The following MRPS22 variants were observed in gnomAD, a reference collection of about 807,000 sequenced individuals.
MRPS22 encodes the protein mitochondrial ribosomal protein S22, also known as small ribosomal subunit protein mS22.
Under a neutral mutation model 44.0 loss-of-function variants are expected in MRPS22, and 30 were observed. The ratio of observed to expected loss-of-function variants is 0.68; its 90% confidence interval spans 0.51 to 0.93. The LOEUF is 0.93. MRPS22 is among the 40% of genes least tolerant of loss of function. The pLI, the probability that MRPS22 is intolerant of heterozygous loss-of-function variation, is 0.00. For missense variants in MRPS22, 447 were observed against 447.8 expected, an observed-to-expected ratio of 1.00 and a Z score of 0.02; for synonymous variants, 165 against 154.4, an observed-to-expected ratio of 1.07 and a Z score of -0.51.
chr3:139,352,668 G>A lies in MRPS22; in HGVS notation c.754G>A (p.Asp252Asn), dbSNP rs1380723783. Residue 252 changes from aspartate (D) to asparagine (N), a missense_variant, in exon 6 of 8, where the codon GAT (aspartate) becomes AAT (asparagine). Coordinates refer to ENST00000680020, the MANE Select transcript of MRPS22 (RefSeq NM_020191.4). ...ATAGGTTCATCACAAGACCTATGAA[G>A]ATATAGATAAACGTGGAAAATATGA... ...YIKVHHKTYE[D>N]IDKRGKYDLL... The A allele has an allele frequency of 1.2e-6, 2 of 1,613,280 alleles. No individual in the cohort carries two copies. The highest frequency in any genetic ancestry group is 1.3e-5 in the African/African-American group (1 of 74,902).
At chr3:139,350,057 C>A in intron 3 of MRPS22, 122 bp from the exon 4 acceptor site, 1 of 1,113,166 alleles carries the variant, frequency 9.0e-7, no homozygotes, top group Non-Finnish European at 1.3e-6. Context: ...TCATTGATCT[C>A]ATATGCATGA....
intron 1 of MRPS22, 129 bp from the exon 2 acceptor site, chr3:139,346,749 G>A: frequency 1.2e-6 from 1 of 842,848 alleles, no homozygotes. Flanking sequence ...CATCTCATAG[G>A]TATTAGCATT....
At position 139,350,219 on chromosome 3, in the gene MRPS22, G is replaced by A. The variant is rs1262403980; in HGVS notation, c.545G>A (p.Arg182His). 6.2e-6 allele frequency: 10 copies of A among 1,614,074 alleles called. No individual in the cohort carries two copies. Among genetic ancestry groups the A allele is most frequent in the South Asian group, 1.1e-5 (1 of 91,070 alleles). Residue 182 changes from arginine (R) to histidine (H), a missense_variant, in exon 4 of 8, where the codon CGC becomes CAC. Physicochemically the swap from Arg to His is conservative, Grantham distance 29. Coordinates refer to ENST00000680020, the MANE Select transcript of MRPS22 (RefSeq NM_020191.4). ...IVVREPSGTLRKASWEERDRM... is the reference protein window; with the variant it reads ...IVVREPSGTLHKASWEERDRM... ...GTCAGAGAACCAAGTGGCACACTAC[G>A]CAAAGCCTCTTGGGAAGAACGGGAC... is the stretch of plus-strand genomic sequence containing the variant.
chr3:139,350,206 A>G lies in MRPS22; in HGVS notation c.532A>G (p.Ser178Gly), dbSNP rs1340649819. Residue 178 changes from serine to glycine, a missense_variant, in exon 4 of 8, where the codon AGT becomes GGT. Transcript: ENST00000680020. Reference sequence around the variant, plus strand: ...GCGTTTTATTGTCGTCAGAGAACCAAGTGGCACACTACGCAAAGCCTCTTG... The same window carrying G: ...GCGTTTTATTGTCGTCAGAGAACCAGGTGGCACACTACGCAAAGCCTCTTG... ...RERFIVVREP[S>G]GTLRKASWEE... 6.2e-7 allele frequency: 1 copy of G among 1,614,188 alleles called. No homozygotes were observed. Among genetic ancestry groups the G allele is most frequent in the Non-Finnish European group, 8.5e-7 (1 of 1,180,014 alleles).
At position 139,351,152 on chromosome 3, in the gene MRPS22, A is replaced by G; in HGVS notation, c.732+92A>G. 6 of 944,040 alleles carry G rather than the reference A, an allele frequency of 6.4e-6. No individual in the cohort carries two copies. In the South Asian group the frequency reaches 6.5e-5, roughly 10 times the overall value. The allele number at this position is 944,040 out of a possible 1,614,324, so 58.5% of individuals were successfully genotyped here. ...TCAATGAATTTCGTTGTAAGTTTTG[A>G]TACAGGGGAAAGGGAAGAGAAATAC... On this transcript the variant is annotated intron_variant, in intron 5 of 7. Transcript: ENST00000680020.
At chr3:139,345,596 A>G (rs965815533) in intron 1 of MRPS22, among the ~76,000 whole-genome samples, 2 of 152,080 alleles carry the variant, frequency 1.3e-5, no homozygotes, top group African/African-American at 4.8e-5. Context: ...AGCTCTTATA[A>G]TTACTGTTAT....
At chr3:139,345,913 C>T (rs1274229989) in intron 1 of MRPS22, among the ~76,000 whole-genome samples, 1 of 152,124 alleles carries the variant, frequency 6.6e-6, no homozygotes, top group Non-Finnish European at 1.5e-5. Flanking sequence ...TAGGAGAAAT[C>T]ATCGAGTAAG....
At chr3:139,351,207 C>T in intron 5 of MRPS22, 147 bp downstream of exon 5, 2 of 666,526 alleles carry the variant, frequency 3.0e-6, no homozygotes, top group South Asian at 3.2e-5. Context: ...AGTTGTGTGC[C>T]AGATATATAT....
At position 139,356,921 on chromosome 3, in the gene MRPS22, C is replaced by G. The variant is rs774417729; in HGVS notation, c.990C>G (p.Val330=). ...QAAEGINLIK[V]FAKTEAQKGA... ...AATTTTCTTTTTAATTTAAACAGGT[C>G]TTTGCAAAAACAGAAGCACAGAAGG... The change falls in exon 8 of 8, where the codon GTC becomes GTG. Residue 330 remains valine (V), a splice_region_variant and synonymous_variant. Coordinates refer to ENST00000680020, the MANE Select transcript of MRPS22 (RefSeq NM_020191.4). 6 of 1,610,744 alleles carry G rather than the reference C, an allele frequency of 3.7e-6. No individual in the cohort carries two copies. Among genetic ancestry groups the G allele is most frequent in the Non-Finnish European group, 5.1e-6 (6 of 1,177,634 alleles).
rs2107792041 is a variant in MRPS22 at position 139,355,793 on chromosome 3, A to G, written c.987+3A>G. ...CTGAGGGAATAAATTTAATCAAGGT[A>G]AAGTTTTTTTTTCATATTGGTTGTT... is the stretch of plus-strand genomic sequence containing the variant. On this transcript the variant is annotated splice_donor_region_variant and intron_variant, in intron 7 of 7. Transcript: ENST00000680020. The G allele has an allele frequency of 9.9e-6, 16 of 1,611,938 alleles. No individual in the cohort carries two copies. The highest frequency in any genetic ancestry group is 1.3e-5 in the Non-Finnish European group (15 of 1,178,104).
intron 2 of MRPS22, among the ~76,000 whole-genome samples, chr3:139,347,588 T>G (rs1244604180): frequency 2.6e-5 from 4 of 152,228 alleles, no homozygotes; most frequent in Non-Finnish European, 5.9e-5. Context: ...AGAGTAAAAG[T>G]CCATCTTTTC....
At chr3:139,350,444 TGAAA>T in intron 4 of MRPS22, 122 bp downstream of exon 4, 2 of 1,144,484 alleles carry the variant, frequency 1.7e-6, no homozygotes, top group Non-Finnish European at 2.5e-6. Flanking sequence ...TTTTTTTTTT[TGAAA>T]TGGAGTTTCG....
intron 5 of MRPS22, chr3:139,351,347 C>G: frequency 2.4e-6 from 1 of 416,446 alleles, no homozygotes; most frequent in Non-Finnish European, 4.5e-6. Flanking sequence ...AGCCTATTCT[C>G]TTTTCAGTTT....
In MRPS22 at chr3:139,345,927, C is replaced by G. The variant is rs538342927; in HGVS notation, c.173-951C>G. Among the ~76,000 whole-genome samples the G allele has an allele frequency of 3.3e-5, 5 of 152,228 alleles. No individual in the cohort carries two copies. The South Asian group carries it at 8.3e-4, about 25-fold the overall frequency. ...ATAGGAGAAATCATCGAGTAAGAAT[C>G]TGAGAAGGGAGAAAAGGACATCGTT... is the stretch of plus-strand genomic sequence containing the variant. On this transcript the variant is annotated intron_variant, in intron 1 of 7. Transcript: ENST00000680020.
In MRPS22 at chr3:139,351,509, G is replaced by A. The variant is rs1941151278; in HGVS notation, c.732+449G>A. ...CACGAACTAGGATAGAGTATGCTGT[G>A]CCAAAGCCAGCAGTCCGGATATGGC... On this transcript the variant is annotated intron_variant, in intron 5 of 7. Transcript: ENST00000680020. The A allele has an allele frequency of 1.3e-5, 3 of 230,790 alleles. No homozygotes were observed. In the South Asian group the frequency reaches 1.8e-4, roughly 14 times the overall value. The allele number at this position is 230,790 out of a possible 1,614,324, so 14.3% of individuals were successfully genotyped here.
In MRPS22 at chr3:139,355,712, G is replaced by C; in HGVS notation, c.909G>C (p.Leu303=). ...ATGATGCAACCAACTTGGTCCAGCT[G>C]TATCACGTGCTCCATCCAGATGGCC... ...LIDDATNLVQ[L]YHVLHPDGQS... The change falls in exon 7 of 8, where the codon CTG becomes CTC. Residue 303 remains leucine (L), a synonymous_variant. Transcript: ENST00000680020. 6.2e-7 allele frequency: 1 copy of C among 1,614,160 alleles called. No individual in the cohort carries two copies. Among genetic ancestry groups the C allele is most frequent in the East Asian group, 2.2e-5 (1 of 44,884 alleles).
Position 139,352,740 on chromosome 3 carries a change from GT to G in MRPS22, c.827del (p.Val276GlufsTer10), listed in dbSNP as rs1352073754. 6.2e-7 allele frequency: 1 copy of G among 1,613,590 alleles called. No homozygotes were observed. The highest frequency in any genetic ancestry group is 2.2e-5 in the East Asian group (1 of 44,860). ...RYFGGMVWYF[V>X]NNKKIDGLLI... is the part of the protein sequence containing the mutation. ...CTTTGGTGGAATGGTGTGGTATTTT[GT>G]AAATAATAAAAAGATTGATGGTTTG... On this transcript the variant is annotated frameshift_variant, in exon 6 of 8. Transcript: ENST00000680020. LOFTEE classifies it high-confidence loss of function.
chr3:139,351,261 G>A (rs1171818004), intron 5 of MRPS22: 4 of 579,986 alleles, frequency 6.9e-6, no homozygotes, highest in African/African-American at 1.9e-5. Flanking sequence ...GGGAATTTAA[G>A]CTTGTAGAAT....
Position 139,344,665 on chromosome 3 carries a change from A to C in MRPS22, c.172+467A>C. 6 of 699,966 alleles carry C rather than the reference A, an allele frequency of 8.6e-6. No homozygotes were observed. The South Asian group carries it at 8.9e-5, about 10-fold the overall frequency. The allele number at this position is 699,966 out of a possible 1,614,324, so 43.4% of individuals were successfully genotyped here. A position where few individuals can be genotyped will look rare whatever the true frequency, so the allele number is the denominator to read the frequency against. On this transcript the variant is annotated intron_variant, in intron 1 of 7. Transcript: ENST00000680020. ...AAGCTTCTCAAGCATAGGGGACAGTAGCAGATGTCCAGAAATGAGACTGAG... is the reference window on the plus strand; with the variant it reads ...AAGCTTCTCAAGCATAGGGGACAGTCGCAGATGTCCAGAAATGAGACTGAG...
Sources: allele counts gnomAD v4.1 joint callset (sites outside exome capture counted in the v4.1 genomes callset), GRCh38; gene constraint gnomAD v4.1.1; transcripts MANE v1.5; gene names NCBI Gene and HGNC (gene_info 2026-07-23, HGNC 2026-07-21).